PAPPA: variants seen among roughly 807,000 people sequenced by gnomAD.
The protein encoded by PAPPA is pappalysin-1.
In PAPPA, 60 loss-of-function variants were observed where a neutral mutation model predicts 164.0. The ratio of observed to expected loss-of-function variants is 0.37; its 90% CI spans 0.30 to 0.45. The LOEUF (loss-of-function observed/expected upper bound fraction) is 0.45, where lower values mean the gene tolerates loss of function less well. Ranked by LOEUF, PAPPA falls within the 20% of genes least tolerant of loss-of-function variation. The pLI, the probability that PAPPA is intolerant of heterozygous loss-of-function variation, is 1.00. For synonymous variants in PAPPA, 875 were observed against 814.1 expected, an observed-to-expected ratio of 1.07 and a Z score of -1.27; for missense variants, 1,782 against 2,087.3, an observed-to-expected ratio of 0.85 and a Z score of 2.85.
At chr9:116,340,939 T>G (rs1846128111) in intron 13 of PAPPA, among the ~76,000 whole-genome samples, 1 of 152,178 alleles carries the variant, frequency 6.6e-6, no homozygotes, top group African/African-American at 2.4e-5. Context: ...GTAGAGAGAC[T>G]CATCTTCTCA....
intron 1 of PAPPA, among the ~76,000 whole-genome samples, chr9:116,171,455 A>G (rs981269823): frequency 4.6e-5 from 7 of 152,152 alleles, no homozygotes; most frequent in Admixed American, 4.6e-4. Context: ...CCAAGGCTCT[A>G]GGACACAACC....
intron 8 of PAPPA, among the ~76,000 whole-genome samples, chr9:116,266,693 C>T: frequency 6.6e-6 from 1 of 152,088 alleles, no homozygotes; most frequent in Non-Finnish European, 1.5e-5. Context: ...GGTGAGGAGC[C>T]ACCAAGACTT....
chr9:116,320,922 G>A (rs999184285), intron 10 of PAPPA, among the ~76,000 whole-genome samples: 4 of 152,164 alleles, frequency 2.6e-5, no homozygotes, highest in Admixed American at 6.6e-5. Flanking sequence ...ATAGTGCTCC[G>A]CAGGTAGTGG....
At chr9:116,216,493 C>T (rs1333834877) in intron 4 of PAPPA, among the ~76,000 whole-genome samples, 3 of 152,180 alleles carry the variant, frequency 2.0e-5, no homozygotes, top group Non-Finnish European at 4.4e-5. Context: ...GTTCTTTCTG[C>T]TTTGGGACAA....
chr9:116,211,150 T>C lies in PAPPA; in HGVS notation c.1625-489T>C, dbSNP rs576870607. Among the ~76,000 whole-genome samples, 55 of 152,306 alleles carry C rather than the reference T, an allele frequency of 3.6e-4. 2 individuals carry two copies. In the South Asian group the frequency reaches 0.01, roughly 29 times the overall value. On this transcript the variant is annotated intron_variant, in intron 3 of 21. Coordinates refer to ENST00000328252, the MANE Select transcript of PAPPA (RefSeq NM_002581.5). Reference sequence around the variant, plus strand: ...GGGATGAAGATATGAGATTCAGAGATGCTAATTACTCCACTCGATGTCACA... The same window carrying C: ...GGGATGAAGATATGAGATTCAGAGACGCTAATTACTCCACTCGATGTCACA...
chr9:116,265,627 T>A (rs553104564), intron 7 of PAPPA, among the ~76,000 whole-genome samples: 1 of 152,382 alleles, frequency 6.6e-6, no homozygotes, highest in African/African-American at 2.4e-5. Context: ...AAGTACATAG[T>A]TATCAGTCAA....
intron 5 of PAPPA, among the ~76,000 whole-genome samples, chr9:116,222,938 T>C (rs1464090151): frequency 6.6e-6 from 1 of 152,240 alleles, no homozygotes; most frequent in Non-Finnish European, 1.5e-5. Context: ...CAAAACATCT[T>C]ACTGTACTCC....
chr9:116,299,971 T>C (rs1845559254), intron 9 of PAPPA, among the ~76,000 whole-genome samples: 1 of 152,070 alleles, frequency 6.6e-6, no homozygotes, highest in Non-Finnish European at 1.5e-5. Context: ...GAAGCAGAAT[T>C]CAGATTTGTA....
intron 7 of PAPPA, among the ~76,000 whole-genome samples, chr9:116,240,549 A>G (rs1844723139): frequency 6.6e-6 from 1 of 152,238 alleles, no homozygotes; most frequent in Non-Finnish European, 1.5e-5. Context: ...GAAGGAATTT[A>G]GCATTTGAAG....
chr9:116,163,737 C>G (rs1360634828), intron 1 of PAPPA, among the ~76,000 whole-genome samples: 1 of 152,164 alleles, frequency 6.6e-6, no homozygotes, highest in Non-Finnish European at 1.5e-5. Context: ...TCGGCTTCCA[C>G]ACCTCAGCAA....
At chr9:116,261,567 C>A (rs1180822342) in intron 7 of PAPPA, among the ~76,000 whole-genome samples, 1 of 152,166 alleles carries the variant, frequency 6.6e-6, no homozygotes, top group Non-Finnish European at 1.5e-5. Flanking sequence ...ATTGACCTAT[C>A]ATATTAACTA....
At chr9:116,330,083 T>G (rs138662840) in intron 10 of PAPPA, among the ~76,000 whole-genome samples, 1 of 152,206 alleles carries the variant, frequency 6.6e-6, no homozygotes, top group Admixed American at 6.5e-5. Flanking sequence ...TTTTTTTCAA[T>G]AGCATATGAG....
intron 7 of PAPPA, among the ~76,000 whole-genome samples, chr9:116,237,209 A>G (rs980408160): frequency 3.3e-5 from 5 of 152,222 alleles, no homozygotes. Context: ...TGCACATCAC[A>G]GGCAAACTCT....
In PAPPA at chr9:116,352,853, C is replaced by A; in HGVS notation, c.4112C>A (p.Ser1371Tyr). Reference sequence around the variant, plus strand: ...CGAGAGAATAAGCACAAGGTGGGCTCCTTCTGCAAATACAAATGCAAGCCT... The same window carrying A: ...CGAGAGAATAAGCACAAGGTGGGCTACTTCTGCAAATACAAATGCAAGCCT... ...RCRENKHKVG[S>Y]FCKYKCKPGY... Residue 1371 changes from serine to tyrosine, a missense_variant, in exon 16 of 22, where the codon TCC becomes TAC. By Grantham distance (144) the Ser-to-Tyr change is moderately radical. Around this residue, in one of 2 missense-constraint regions of PAPPA, gnomAD observed 1,324 missense variants for 1,656.9 expected, o/e 0.80. Coordinates refer to ENST00000328252, the MANE Select transcript of PAPPA (RefSeq NM_002581.5). 1.9e-6 allele frequency: 3 copies of A among 1,614,144 alleles called. No individual in the cohort carries two copies. Among genetic ancestry groups the A allele is most frequent in the Non-Finnish European group, 2.5e-6 (3 of 1,180,024 alleles).
chr9:116,231,346 A>T (rs1844589265), intron 6 of PAPPA, among the ~76,000 whole-genome samples: 1 of 148,522 alleles, frequency 6.7e-6, no homozygotes, highest in African/African-American at 2.5e-5. Context: ...CCCCTTCCTT[A>T]TCTTCTTCCT....
intron 18 of PAPPA, 138 bp downstream of exon 18, chr9:116,362,877 G>A: frequency 2.6e-6 from 2 of 777,504 alleles, no homozygotes; most frequent in Non-Finnish European, 4.0e-6. Context: ...ATGAATTAGT[G>A]TAGACCATGT....
In PAPPA at chr9:116,352,834, A is replaced by G; in HGVS notation, c.4093A>G (p.Asn1365Asp). The G allele has an allele frequency of 6.2e-7, 1 of 1,613,990 alleles. No homozygotes were observed. The highest frequency in any genetic ancestry group is 8.5e-7 in the Non-Finnish European group (1 of 1,179,944). ...ADLQTARCRE[N>D]KHKVGSFCKY... ...CCTCCAGACCGCCCGGTGCCGAGAG[A>G]ATAAGCACAAGGTGGGCTCCTTCTG... The change falls in exon 16 of 22, where the codon AAT (asparagine) becomes GAT (aspartate). Residue 1365 changes from asparagine to aspartate, a missense_variant. This residue lies in a region of PAPPA where 1,324 missense variants were observed against 1,656.9 expected (regional missense o/e 0.80). Coordinates refer to ENST00000328252, the MANE Select transcript of PAPPA (RefSeq NM_002581.5).
At chr9:116,362,462 T>C in intron 17 of PAPPA, 130 bp from the exon 18 acceptor site, 1 of 940,084 alleles carries the variant, frequency 1.1e-6, no homozygotes, top group Non-Finnish European at 1.6e-6. Context: ...TCAACCATTG[T>C]TAAGAAATTG....
At chr9:116,179,135 G>T (rs1843871132) in intron 1 of PAPPA, among the ~76,000 whole-genome samples, 1 of 152,190 alleles carries the variant, frequency 6.6e-6, no homozygotes, top group South Asian at 2.1e-4. Flanking sequence ...TACAGGATAA[G>T]ATTCTTCATC....
Sources: allele counts gnomAD v4.1 joint callset (sites outside exome capture counted in the v4.1 genomes callset), GRCh38; gene constraint gnomAD v4.1.1; regional missense constraint gnomAD v4.1.1; transcripts MANE v1.5; gene names NCBI Gene and HGNC (gene_info 2026-07-23, HGNC 2026-07-21).